Variants in SCHIP1 observed in about 807,000 individuals in gnomAD.
The protein encoded by SCHIP1 is schwannomin interacting protein 1.
SCHIP1 carries 8 observed loss-of-function variants against 29.7 expected under a neutral mutation model. The ratio of observed to expected loss-of-function variants is 0.27; its 90% CI spans 0.16 to 0.49. The LOEUF (loss-of-function observed/expected upper bound fraction) is 0.49. Among genes scored for constraint, SCHIP1 ranks in the 20% least tolerant of loss-of-function variants. The pLI is 0.99. For synonymous variants in SCHIP1, 76 were observed against 94.9 expected, an observed-to-expected ratio of 0.80 and a Z score of 1.16; for missense variants, 193 against 294.6, an observed-to-expected ratio of 0.66 and a Z score of 2.52.
the SCHIP1 span, among the ~76,000 whole-genome samples, chr3:159,558,541 G>A: frequency 6.6e-6 from 1 of 152,258 alleles, no homozygotes; most frequent in Non-Finnish European, 1.5e-5. Flanking sequence ...AGAATTCGAG[G>A]ATTACGGAGG....
chr3:159,638,237 T>C, the SCHIP1 span, among the ~76,000 whole-genome samples: 1 of 152,200 alleles, frequency 6.6e-6, no homozygotes, highest in Non-Finnish European at 1.5e-5. Flanking sequence ...GACAGTAGAC[T>C]GGATAACCTC....
chr3:159,585,861 T>C, the SCHIP1 span, among the ~76,000 whole-genome samples: 6 of 152,166 alleles, frequency 3.9e-5, no homozygotes, highest in African/African-American at 1.4e-4. Flanking sequence ...ATTTTAATAG[T>C]TATATCTTCC....
chr3:159,698,243 G>C, the SCHIP1 span, among the ~76,000 whole-genome samples: 33 of 152,312 alleles, frequency 2.2e-4, no homozygotes, highest in Admixed American at 5.9e-4. Context: ...ACCAAACAGT[G>C]TCTGCCAGCA....
the SCHIP1 span, among the ~76,000 whole-genome samples, chr3:159,362,801 A>G: frequency 1.3e-5 from 2 of 152,150 alleles, no homozygotes; most frequent in Non-Finnish European, 2.9e-5. Context: ...TCCTCTCTAT[A>G]TACTGCTGTC....
chr3:159,507,258 G>C, the SCHIP1 span, among the ~76,000 whole-genome samples: 4 of 151,626 alleles, frequency 2.6e-5, no homozygotes, highest in African/African-American at 7.3e-5. Context: ...TCATGATTTG[G>C]CATTCTGTTT....
the SCHIP1 span, among the ~76,000 whole-genome samples, chr3:159,439,656 A>G: frequency 2.0e-5 from 3 of 152,162 alleles, no homozygotes; most frequent in East Asian, 5.8e-4. Context: ...TTTTTATCAT[A>G]TATTTGTTGG....
At chr3:159,714,706 C>T in the SCHIP1 span, among the ~76,000 whole-genome samples, 201 of 152,294 alleles carry the variant, frequency 1.3e-3, 1 homozygote, top group African/African-American at 4.6e-3. Context: ...AAGGGGTGCC[C>T]GCCATTGCTG....
chr3:159,297,429 G>C, the SCHIP1 span, among the ~76,000 whole-genome samples: 2 of 151,918 alleles, frequency 1.3e-5, no homozygotes, highest in African/African-American at 4.8e-5. Context: ...GTTGCACTTG[G>C]TACTTTAAGA....
At chr3:159,837,884 C>T (rs969595797), upstream of SCHIP1, among the ~76,000 whole-genome samples, 5 of 152,202 alleles carry the variant, frequency 3.3e-5, no homozygotes, top group African/African-American at 9.6e-5. Flanking sequence ...CATCTTGACT[C>T]ATTCCCTACC....
the SCHIP1 span, among the ~76,000 whole-genome samples, chr3:159,466,420 C>T: frequency 1.3e-5 from 2 of 151,942 alleles, no homozygotes; most frequent in Admixed American, 6.6e-5. Context: ...CCTTGGTTTC[C>T]GAATGTGTAC....
the SCHIP1 span, among the ~76,000 whole-genome samples, chr3:159,519,657 CCTTTT>C: frequency 2.0e-5 from 3 of 151,896 alleles, no homozygotes; most frequent in Admixed American, 6.6e-5. Flanking sequence ...TAATGGCTCC[CCTTTT>C]CTTTTTTTAA....
the SCHIP1 span, among the ~76,000 whole-genome samples, chr3:159,605,808 G>A: frequency 6.6e-6 from 1 of 152,126 alleles, no homozygotes; most frequent in African/African-American, 2.4e-5. Context: ...CCTCAAGTGA[G>A]TGGGTAGCTA....
At chr3:159,442,760 G>A in the SCHIP1 span, among the ~76,000 whole-genome samples, 1 of 152,154 alleles carries the variant, frequency 6.6e-6, no homozygotes, top group Non-Finnish European at 1.5e-5. Context: ...TGGTCCAGGT[G>A]AGAACTGCTA....
At chr3:159,742,978 C>G in the SCHIP1 span, among the ~76,000 whole-genome samples, 1 of 151,994 alleles carries the variant, frequency 6.6e-6, no homozygotes, top group Admixed American at 6.6e-5. Context: ...TGAGCCACCA[C>G]GCCGGGCCTT....
the SCHIP1 span, among the ~76,000 whole-genome samples, chr3:159,374,739 G>A: frequency 6.6e-6 from 1 of 152,168 alleles, no homozygotes; most frequent in South Asian, 2.1e-4. Flanking sequence ...TTGTGCCTGA[G>A]ACTCATTTGT....
At chr3:159,694,550 A>AAGAG in the SCHIP1 span, among the ~76,000 whole-genome samples, 4 of 43,524 alleles carry the variant, frequency 9.2e-5, 1 homozygote, top group African/African-American at 2.9e-4. Flanking sequence ...GAAAGAAAGA[A>AAGAG]AGAAAGAAAG....
At chr3:159,588,316 G>GTT in the SCHIP1 span, among the ~76,000 whole-genome samples, 1 of 150,232 alleles carries the variant, frequency 6.7e-6, no homozygotes, top group African/African-American at 2.5e-5. Flanking sequence ...GAATGAGGTT[G>GTT]TTTTTTTTCT....
At chr3:159,738,788 G>A in the SCHIP1 span, among the ~76,000 whole-genome samples, 1 of 152,174 alleles carries the variant, frequency 6.6e-6, no homozygotes, top group Admixed American at 6.5e-5. Flanking sequence ...GAGAGAAACT[G>A]TGTGTATTTG....
chr3:159,564,115 T>A, the SCHIP1 span, among the ~76,000 whole-genome samples: 1 of 152,184 alleles, frequency 6.6e-6, no homozygotes, highest in African/African-American at 2.4e-5. Flanking sequence ...CAAATTTTCC[T>A]TTATCAGTCC....
Sources: gnomAD v4.1 joint callset for allele counts (sites outside exome capture counted in the v4.1 genomes callset) on GRCh38, gnomAD v4.1.1 for gene constraint, MANE v1.5 for transcripts, NCBI Gene and HGNC (gene_info 2026-07-23, HGNC 2026-07-21) for gene names.